The following SLC34A2 variants were observed in gnomAD, a reference collection of about 807,000 sequenced individuals.
SLC34A2 encodes the protein sodium-dependent phosphate transport protein 2B.
A neutral mutation model predicts 50.8 loss-of-function variants in SLC34A2; 41 were observed. The observed-to-expected ratio is 0.81, with a 90% CI of 0.63 to 1.05. The LOEUF is 1.05. Among genes scored for constraint, SLC34A2 ranks in the 50% least tolerant of loss-of-function variants. The probability of loss-of-function intolerance (pLI) is 0.00; values close to 1 mark genes in which losing one functional copy is unlikely to be tolerated. For synonymous variants in SLC34A2, 401 were observed against 364.2 expected, an observed-to-expected ratio of 1.10 and a Z score of -1.15; for missense variants, 879 against 876.7, an observed-to-expected ratio of 1.00 and a Z score of -0.03.
chr4:25,676,039 C>T (rs891129670), intron 12 of SLC34A2, 96 bp from the exon 13 acceptor site: 5 of 1,556,254 alleles, frequency 3.2e-6, no homozygotes, highest in Non-Finnish European at 4.3e-6. Context: ...GACTGTGCTG[C>T]CTGTGATGCC....
In SLC34A2 at chr4:25,676,430, A is replaced by G. The variant is rs1715123612; in HGVS notation, c.1754A>G (p.Lys585Arg). Reference sequence around the variant, plus strand: ...TCTCGCTGCCCACGCGTCCTGCCGAAGAAACTCCAGAACTGGAACTTCCTG... The same window carrying G: ...TCTCGCTGCCCACGCGTCCTGCCGAGGAAACTCCAGAACTGGAACTTCCTG... The part of the protein sequence containing the change: ...LQSRCPRVLP[K>R]KLQNWNFLPL... The change falls in exon 13 of 13, where the codon AAG (lysine) becomes AGG (arginine). Residue 585 changes from lysine (K) to arginine (R), a missense_variant. By Grantham distance (26) the Lys-to-Arg change is conservative. Transcript: ENST00000382051. 1 of 1,614,024 alleles carries G rather than the reference A, an allele frequency of 6.2e-7. No individual in the cohort carries two copies. Among genetic ancestry groups the G allele is most frequent in the East Asian group, 2.2e-5 (1 of 44,862 alleles).
intron 1 of SLC34A2, among the ~76,000 whole-genome samples, chr4:25,658,911 A>ACCCAC (rs1369351779): frequency 2.9e-5 from 2 of 69,858 alleles, no homozygotes; most frequent in Non-Finnish European, 6.8e-5. Context: ...ACCCCCACCC[A>ACCCAC]CCCACCCCAC....
rs114109706 is a variant in SLC34A2, at chr4:25,662,759, C to T, written c.167C>T (p.Thr56Met). The T allele has an allele frequency of 3.1e-4, 500 of 1,614,108 alleles. 2 individuals carry two copies. Among genetic ancestry groups the T allele is most frequent in the African/African-American group, 5.1e-4 (38 of 75,028 alleles). ...TKIELLPSYSTATLIDEPTEV... is the reference protein window; with the variant it reads ...TKIELLPSYSMATLIDEPTEV... ...ATTGAACTTCTGCCGTCCTACTCCA[C>T]GGCTACACTGATAGATGAGCCCACT... Residue 56 changes from threonine to methionine, a missense_variant, in exon 3 of 13, where the codon ACG (threonine) becomes ATG (methionine). By Grantham distance (81) the Thr-to-Met change is moderately conservative. Transcript: ENST00000382051.
intron 1 of SLC34A2, among the ~76,000 whole-genome samples, chr4:25,658,768 G>A (rs1714019088): frequency 6.6e-6 from 1 of 152,218 alleles, no homozygotes; most frequent in African/African-American, 2.4e-5. Context: ...TGGCAAGAAT[G>A]TGCTGGAGTG....
chr4:25,662,767 C>T lies in SLC34A2; in HGVS notation c.175C>T (p.Leu59=). 6.2e-7 allele frequency: 1 copy of T among 1,614,134 alleles called. No homozygotes were observed. Among genetic ancestry groups the T allele is most frequent in the Non-Finnish European group, 8.5e-7 (1 of 1,180,032 alleles). Reference sequence around the variant, plus strand: ...TCTGCCGTCCTACTCCACGGCTACACTGATAGATGAGCCCACTGAGGTGGA... The same window carrying T: ...TCTGCCGTCCTACTCCACGGCTACATTGATAGATGAGCCCACTGAGGTGGA... The part of the protein sequence containing the change: ...ELLPSYSTAT[L]IDEPTEVDDP... The change falls in exon 3 of 13, where the codon CTG becomes TTG. Residue 59 remains leucine (L), a synonymous_variant. Coordinates refer to ENST00000382051, the MANE Select transcript of SLC34A2 (RefSeq NM_006424.3).
Position 25,660,568 on chromosome 4 carries a change from G to A in SLC34A2, c.-3-1930G>A, listed in dbSNP as rs566844771. Among the ~76,000 whole-genome samples, 10 of 152,058 alleles carry A rather than the reference G, an allele frequency of 6.6e-5. No individual in the cohort carries two copies. The East Asian group carries it at 9.7e-4, about 15-fold the overall frequency. On this transcript the variant is annotated intron_variant, in intron 1 of 12. Coordinates refer to ENST00000382051, the MANE Select transcript of SLC34A2 (RefSeq NM_006424.3). ...GGGATTGCTTCTGTTTTTTTGAGACGGAGTTTCACTCTTTTTGCCCAGGCT... is the reference window on the plus strand; with the variant it reads ...GGGATTGCTTCTGTTTTTTTGAGACAGAGTTTCACTCTTTTTGCCCAGGCT...
intron 1 of SLC34A2, among the ~76,000 whole-genome samples, chr4:25,656,301 T>A (rs917984165): frequency 4.6e-5 from 7 of 152,208 alleles, no homozygotes; most frequent in Admixed American, 2.0e-4. Flanking sequence ...TGGGCTGCCG[T>A]CTTCCATTCT....
chr4:25,673,357 T>A (rs1341943201), intron 10 of SLC34A2, 103 bp downstream of exon 10: 6 of 1,113,374 alleles, frequency 5.4e-6, no homozygotes, highest in Non-Finnish European at 8.1e-6. Context: ...ATGGAGTTTC[T>A]CTCTCAGATT....
At chr4:25,660,775 C>A (rs748837338) in intron 1 of SLC34A2, among the ~76,000 whole-genome samples, 1 of 152,210 alleles carries the variant, frequency 6.6e-6, no homozygotes, top group African/African-American at 2.4e-5. Flanking sequence ...TAACTCCTGA[C>A]CTCAGATGAT....
intron 1 of SLC34A2, among the ~76,000 whole-genome samples, chr4:25,658,909 C>T (rs1714031709): frequency 7.5e-6 from 1 of 133,840 alleles, no homozygotes; most frequent in African/African-American, 2.9e-5. Context: ...CCACCCCCAC[C>T]CACCCACCCC....
rs1268215258 is a variant in SLC34A2 at position 25,671,706 on chromosome 4, G to A, written c.1033G>A (p.Glu345Lys). The A allele has an allele frequency of 1.9e-6, 3 of 1,614,098 alleles. No individual in the cohort carries two copies. The highest frequency in any genetic ancestry group is 1.3e-5 in the African/African-American group (1 of 74,938). Residue 345 changes from glutamate to lysine, a missense_variant, in exon 9 of 13, where the codon GAG becomes AAG. Glu to Lys is a moderately conservative substitution (Grantham distance 56). Coordinates refer to ENST00000382051, the MANE Select transcript of SLC34A2 (RefSeq NM_006424.3). ...NWTMKNVTYK[E>K]NIAKCQHIFV... Reference sequence around the variant, plus strand: ...GACCATGAAGAATGTGACCTACAAGGAGAACATCGCCAAATGTGAGTGGAG... The same window carrying A: ...GACCATGAAGAATGTGACCTACAAGAAGAACATCGCCAAATGTGAGTGGAG...
chr4:25,662,989 T>G, intron 3 of SLC34A2, 147 bp downstream of exon 3: 1 of 947,234 alleles, frequency 1.1e-6, no homozygotes, highest in Non-Finnish European at 1.5e-6. Context: ...CATCTTTTTT[T>G]TTTTAGACGG....
At chr4:25,674,843 G>A (rs1317590964) in intron 12 of SLC34A2, among the ~76,000 whole-genome samples, 1 of 152,154 alleles carries the variant, frequency 6.6e-6, no homozygotes, top group Non-Finnish European at 1.5e-5. Flanking sequence ...CCTCATAACT[G>A]GTGGTTGTTT....
At chr4:25,673,038 G>A (rs1210977505) in intron 9 of SLC34A2, 49 bp from the exon 10 acceptor site, 1 of 1,586,438 alleles carries the variant, frequency 6.3e-7, no homozygotes, top group South Asian at 1.1e-5. Flanking sequence ...ACAATCTGTA[G>A]CCGTGGTGGC....
intron 1 of SLC34A2, among the ~76,000 whole-genome samples, chr4:25,661,025 T>C (rs1345950063): frequency 1.3e-5 from 2 of 152,184 alleles, no homozygotes; most frequent in African/African-American, 4.8e-5. Context: ...GAGAAAGGCC[T>C]TGTGAAGAAA....
rs947972050 is a variant in SLC34A2 at position 25,678,671 on chromosome 4, A to C, written c.*1922A>C. 1 of 426,554 alleles carries C rather than the reference A, an allele frequency of 2.3e-6. No homozygotes were observed. The allele number at this position is 426,554 out of a possible 1,614,324, so 26.4% of individuals were successfully genotyped here. On this transcript the variant is annotated 3_prime_UTR_variant, in exon 13 of 13. Coordinates refer to ENST00000382051, the MANE Select transcript of SLC34A2 (RefSeq NM_006424.3). ...GCTGAGATCACAGGCGTGAGCCACCACCAGGCCTGATTGTAATTTTTTTTT... is the reference window on the plus strand; with the variant it reads ...GCTGAGATCACAGGCGTGAGCCACCCCCAGGCCTGATTGTAATTTTTTTTT...
intron 1 of SLC34A2, among the ~76,000 whole-genome samples, chr4:25,661,013 C>A (rs1281068254): frequency 1.3e-5 from 2 of 152,192 alleles, no homozygotes; most frequent in African/African-American, 2.4e-5. Context: ...TACCATGTAA[C>A]TGAGAAAGGC....
At position 25,676,787 on chromosome 4, in the gene SLC34A2, T is replaced by G. The variant is rs1360891665; in HGVS notation, c.*38T>G. On this transcript the variant is annotated 3_prime_UTR_variant, in exon 13 of 13. Coordinates refer to ENST00000382051, the MANE Select transcript of SLC34A2 (RefSeq NM_006424.3). ...ATTGTCAGGGATGGGGGGATGGTCC[T>G]TGAGTTTTGCATGCTCTCCTCCCTC... The G allele has an allele frequency of 6.2e-7, 1 of 1,613,084 alleles. No homozygotes were observed. The highest frequency in any genetic ancestry group is 1.3e-5 in the African/African-American group (1 of 74,902).
chr4:25,664,861 A>C, intron 4 of SLC34A2: 1 of 234,444 alleles, frequency 4.3e-6, no homozygotes, highest in Non-Finnish European at 8.4e-6. Context: ...TTGTACCTCA[A>C]TGGTGATGTC....
Sources: allele counts gnomAD v4.1 joint callset (sites outside exome capture counted in the v4.1 genomes callset), GRCh38; gene constraint gnomAD v4.1.1; transcripts MANE v1.5; gene names NCBI Gene and HGNC (gene_info 2026-07-23, HGNC 2026-07-21).